Variants in RYR2 observed in about 807,000 individuals in gnomAD.
RYR2 encodes the protein ryanodine receptor 2, also known as cardiac muscle ryanodine receptor-calcium release channel.
RYR2 carries 227 observed loss-of-function variants against 601.1 expected under a neutral mutation model. The observed-to-expected ratio is 0.38, with a 90% confidence interval of 0.34 to 0.42. The LOEUF (loss-of-function observed/expected upper bound fraction) is 0.42. Among genes scored for constraint, RYR2 ranks in the 10% least tolerant of loss-of-function variants. The pLI is 1.00. For synonymous variants in RYR2, 2,223 were observed against 2,175.1 expected, an observed-to-expected ratio of 1.02 and a Z score of -0.61; for missense variants, 4,646 against 6,156.5, an observed-to-expected ratio of 0.75 and a Z score of 8.21.
At chr1:237,518,326 C>T (rs1219960437) in intron 24 of RYR2, among the ~76,000 whole-genome samples, 3 of 151,912 alleles carry the variant, frequency 2.0e-5, no homozygotes, top group Non-Finnish European at 4.4e-5. Context: ...CATAAAGTAA[C>T]AAAAGTCAAG....
chr1:237,595,096 G>A (rs925145357), intron 33 of RYR2, among the ~76,000 whole-genome samples: 2 of 147,806 alleles, frequency 1.4e-5, no homozygotes, highest in African/African-American at 4.9e-5. Context: ...CAGAACAAGT[G>A]GTAAAACAAA....
chr1:237,218,290 C>T (rs1042101308), intron 1 of RYR2, among the ~76,000 whole-genome samples: 6 of 152,134 alleles, frequency 3.9e-5, no homozygotes, highest in African/African-American at 1.2e-4. Flanking sequence ...TCTCGATGTG[C>T]ATAGCTTCTT....
intron 6 of RYR2, among the ~76,000 whole-genome samples, chr1:237,370,865 T>C (rs540063722): frequency 3.6e-4 from 55 of 152,236 alleles, no homozygotes; most frequent in Non-Finnish European, 6.5e-4. Flanking sequence ...TTTCACCGTG[T>C]TAGCCAGGAT....
intron 1 of RYR2, among the ~76,000 whole-genome samples, chr1:237,230,070 T>TA (rs2149183148): frequency 6.6e-6 from 1 of 152,262 alleles, no homozygotes; most frequent in Admixed American, 6.5e-5. Context: ...TAAAGGTGGA[T>TA]AAAATGTGGA....
At chr1:237,191,077 T>A (rs1679918974) in intron 1 of RYR2, among the ~76,000 whole-genome samples, 1 of 152,204 alleles carries the variant, frequency 6.6e-6, no homozygotes, top group African/African-American at 2.4e-5. Context: ...CCATTTTGAA[T>A]TAATTTTTGT....
intron 1 of RYR2, among the ~76,000 whole-genome samples, chr1:237,065,642 G>C (rs1294854770): frequency 6.6e-6 from 1 of 152,100 alleles, no homozygotes; most frequent in African/African-American, 2.4e-5. Context: ...TAGCCCATGG[G>C]AGCCACTGTT....
intron 3 of RYR2, among the ~76,000 whole-genome samples, chr1:237,340,186 T>G (rs1339727751): frequency 1.3e-5 from 2 of 152,172 alleles, no homozygotes; most frequent in African/African-American, 4.8e-5. Context: ...AGTAAAATCT[T>G]TGCCTATGAA....
At chr1:237,738,304 T>G (rs1012370364) in intron 79 of RYR2, among the ~76,000 whole-genome samples, 2 of 152,184 alleles carry the variant, frequency 1.3e-5, no homozygotes, top group African/African-American at 4.8e-5. Context: ...TGATACACAG[T>G]CACTGTTAGT....
In RYR2 at chr1:237,759,032, C is replaced by T. The variant is rs77658033; in HGVS notation, c.11326-744C>T. Among the ~76,000 whole-genome samples, 1,206 of 152,286 alleles carry T rather than the reference C, an allele frequency of 7.9e-3. 9 individuals are homozygous for T. The highest frequency in any genetic ancestry group is 0.013 in the Non-Finnish European group (913 of 68,024). ...GACTATGGTAATGGAAACTGAATTT[C>T]CGTCTATAGCATTAGCATATGGCAG... On this transcript the variant is annotated intron_variant, in intron 82 of 104. Transcript: ENST00000366574.
rs1205282058 is a variant in RYR2 at position 237,833,232 on chromosome 1, G to A, written c.*585G>A. On this transcript the variant is annotated 3_prime_UTR_variant, in exon 105 of 105. Coordinates refer to ENST00000366574, the MANE Select transcript of RYR2 (RefSeq NM_001035.3). Reference sequence around the variant, plus strand: ...TGTGAGGTTTTTTTTTTTTCCTTTAGTCTTTTCTTTAGTGGGGGAGGGTAA... The same window carrying A: ...TGTGAGGTTTTTTTTTTTTCCTTTAATCTTTTCTTTAGTGGGGGAGGGTAA... 5 of 133,346 alleles carry A rather than the reference G, an allele frequency of 3.7e-5. No individual in the cohort carries two copies. The highest frequency in any genetic ancestry group is 1.4e-4 in the African/African-American group (5 of 35,488). 8.3% of individuals were successfully genotyped at this position (133,346 alleles called of 1,614,324 possible).
At position 237,808,902 on chromosome 1, in the gene RYR2, T is replaced by G. The variant is rs1660957870; in HGVS notation, c.14300T>G (p.Leu4767Arg). 1 of 1,613,484 alleles carries G rather than the reference T, an allele frequency of 6.2e-7. No homozygotes were observed. Reference protein sequence around the residue: ...LSSVTHNGKQLVLTVGLLAVV... With the variant: ...LSSVTHNGKQRVLTVGLLAVV... ...GGTCCTTGTCACATTGTTTTCCAGC[T>G]CGTATTAACCGTTGGCTTATTAGCT... Residue 4767 changes from leucine to arginine, a missense_variant and splice_region_variant, in exon 100 of 105, where the codon CTC becomes CGC. Physicochemically the swap from Leu to Arg is moderately radical, Grantham distance 102. Around this residue, in one of 17 missense-constraint regions of RYR2, gnomAD observed 8 missense variants for 45.1 expected, o/e 0.18. Transcript: ENST00000366574.
intron 1 of RYR2, among the ~76,000 whole-genome samples, chr1:237,178,999 G>A (rs952031362): frequency 1.3e-5 from 2 of 152,144 alleles, no homozygotes; most frequent in Non-Finnish European, 2.9e-5. Flanking sequence ...TGTTGTATGT[G>A]TGTTTCTGAG....
At chr1:237,162,734 G>T (rs539892180) in intron 1 of RYR2, among the ~76,000 whole-genome samples, 1 of 152,206 alleles carries the variant, frequency 6.6e-6, no homozygotes, top group South Asian at 2.1e-4. Flanking sequence ...GGAAGGAGGG[G>T]TATTGTAAAG....
chr1:237,631,300 A>G (rs1226485969), intron 41 of RYR2, 127 bp from the exon 42 acceptor site: 4 of 637,304 alleles, frequency 6.3e-6, no homozygotes, highest in South Asian at 2.1e-5. Flanking sequence ...TTTGTGGCTT[A>G]TTAAATACTG....
chr1:237,584,882 T>C (rs1674351991), intron 29 of RYR2, among the ~76,000 whole-genome samples: 1 of 148,462 alleles, frequency 6.7e-6, no homozygotes. Flanking sequence ...CTAAGCAGTG[T>C]GCCCAGAGTC....
Position 237,617,356 on chromosome 1 carries a change from C to T in RYR2, c.5786C>T (p.Ser1929Leu). Residue 1929 changes from serine to leucine, a missense_variant, in exon 38 of 105, where the codon TCA becomes TTA. By Grantham distance (145) the Ser-to-Leu change is moderately radical. Around this residue, in one of 17 missense-constraint regions of RYR2, gnomAD observed 1,807 missense variants for 2,088.1 expected, o/e 0.87. Transcript: ENST00000366574. ...RHRIEAIVAF[S>L]DDFVAKLQDN... ...CGGATAGAAGCCATTGTAGCCTTTT[C>T]AGATGATTTTGTGGCTAAGCTCCAA... The T allele has an allele frequency of 6.2e-7, 1 of 1,613,922 alleles. No individual in the cohort carries two copies. The highest frequency in any genetic ancestry group is 1.1e-5 in the South Asian group (1 of 91,068).
intron 1 of RYR2, among the ~76,000 whole-genome samples, chr1:237,154,729 T>C (rs1026721347): frequency 6.6e-6 from 1 of 152,188 alleles, no homozygotes; most frequent in African/African-American, 2.4e-5. Context: ...TAGAGGGACA[T>C]TTTATAGACT....
chr1:237,505,086 T>A (rs1665079374), intron 22 of RYR2, among the ~76,000 whole-genome samples: 1 of 152,198 alleles, frequency 6.6e-6, no homozygotes, highest in Non-Finnish European at 1.5e-5. Flanking sequence ...TAGATTAAGA[T>A]CATGAACTCT....
chr1:237,196,239 A>T (rs146079341), intron 1 of RYR2, among the ~76,000 whole-genome samples: 5 of 152,172 alleles, frequency 3.3e-5, no homozygotes, highest in African/African-American at 1.2e-4. Flanking sequence ...GACAAAATTT[A>T]AAAAAATTTT....
Sources: gnomAD v4.1 joint callset for allele counts (sites outside exome capture counted in the v4.1 genomes callset) on GRCh38, gnomAD v4.1.1 for gene constraint, gnomAD v4.1.1 regional missense constraint, MANE v1.5 for transcripts, NCBI Gene and HGNC (gene_info 2026-07-23, HGNC 2026-07-21) for gene names.